Variants in HTR1E observed in about 807,000 individuals in gnomAD.
HTR1E encodes the protein 5-hydroxytryptamine receptor 1E, also known as 5-HT-1E.
HTR1E carries 3 observed loss-of-function variants against 3.4 expected under a neutral mutation model. The observed-to-expected ratio is 0.89, with a 90% CI of 0.41 to 2.31. The LOEUF (loss-of-function observed/expected upper bound fraction) is 2.31. Among genes scored for constraint, HTR1E ranks in the 30% most tolerant of loss-of-function variants. The pLI is 0.05. For missense variants in HTR1E, 392 were observed against 467.0 expected (o/e 0.84, Z 1.48); for synonymous variants, 170 against 182.8 (o/e 0.93, Z 0.56).
rs1473568017 is a variant in HTR1E, at chr6:87,010,341, C to T, written c.-185-4809C>T. ...TGACCCCCCCCACCTCCCTCCCGGA[C>T]GGGGCGGCTGGCCGGGCGGGGGGCT... On this transcript the variant is annotated intron_variant, in intron 1 of 1. Transcript: ENST00000305344. Among the ~76,000 whole-genome samples the T allele has an allele frequency of 4.2e-4, 45 of 107,874 alleles. 1 individual carries two copies. The highest frequency in any genetic ancestry group is 0.01 in the Middle Eastern group (1 of 96). 70.8% of individuals were successfully genotyped at this position (107,874 alleles called of 152,430 possible).
In HTR1E at chr6:87,016,218, T is replaced by A. The variant is rs1433362782; in HGVS notation, c.884T>A (p.Leu295Gln). The change falls in exon 2 of 2, where the codon CTG becomes CAG. Residue 295 changes from leucine (L) to glutamine (Q), a missense_variant. Physicochemically the swap from Leu to Gln is moderately radical, Grantham distance 113. Transcript: ENST00000305344. Reference sequence around the variant, plus strand: ...CGGAAGGCAGCACGCATCCTGGGGCTGATTCTGGGTGCATTCATTTTATCC... The same window carrying A: ...CGGAAGGCAGCACGCATCCTGGGGCAGATTCTGGGTGCATTCATTTTATCC... ...RERKAARILG[L>Q]ILGAFILSWL... The A allele has an allele frequency of 6.2e-7, 1 of 1,614,014 alleles. No homozygotes were observed. Among genetic ancestry groups the A allele is most frequent in the East Asian group, 2.2e-5 (1 of 44,886 alleles).
intron 1 of HTR1E, among the ~76,000 whole-genome samples, chr6:86,957,307 T>G (rs557171421): frequency 6.6e-6 from 1 of 152,370 alleles, no homozygotes; most frequent in Non-Finnish European, 1.5e-5. Context: ...GAGCAACATC[T>G]TTCAGATAAT....
At chr6:86,943,170 A>C (rs1768567942) in intron 1 of HTR1E, among the ~76,000 whole-genome samples, 1 of 152,208 alleles carries the variant, frequency 6.6e-6, no homozygotes, top group Non-Finnish European at 1.5e-5. Flanking sequence ...ATTTGTAGCT[A>C]TGTTTTGCCT....
chr6:86,958,844 G>A (rs1285928638), intron 1 of HTR1E, among the ~76,000 whole-genome samples: 1 of 152,018 alleles, frequency 6.6e-6, no homozygotes, highest in Admixed American at 6.6e-5. Context: ...ACTCTGAACA[G>A]GAAGTGTCTA....
chr6:86,965,037 C>A (rs1340478085), intron 1 of HTR1E, among the ~76,000 whole-genome samples: 1 of 152,178 alleles, frequency 6.6e-6, no homozygotes, highest in Non-Finnish European at 1.5e-5. Flanking sequence ...TGCCTCATTT[C>A]CCTCATCTTT....
At chr6:87,006,621 A>C (rs888402655) in intron 1 of HTR1E, among the ~76,000 whole-genome samples, 2 of 152,238 alleles carry the variant, frequency 1.3e-5, no homozygotes, top group African/African-American at 2.4e-5. Flanking sequence ...AGATACATGC[A>C]TGTGTATGTT....
chr6:86,944,676 T>A (rs76361403), intron 1 of HTR1E, among the ~76,000 whole-genome samples: 1 of 152,162 alleles, frequency 6.6e-6, no homozygotes, highest in Admixed American at 6.6e-5. Flanking sequence ...AATAACAGAC[T>A]TACCAGGATA....
intron 1 of HTR1E, among the ~76,000 whole-genome samples, chr6:86,940,284 C>A (rs1278259430): frequency 6.6e-6 from 1 of 151,936 alleles, no homozygotes; most frequent in Admixed American, 6.6e-5. Context: ...ACCTGTAATT[C>A]CAACACTTTA....
chr6:86,958,280 G>A lies in HTR1E; in HGVS notation c.-186+20457G>A, dbSNP rs867101267. Among the ~76,000 whole-genome samples the A allele has an allele frequency of 7.9e-5, 12 of 151,964 alleles. 1 individual carries two copies. Among genetic ancestry groups the A allele is most frequent in the South Asian group, 6.2e-4 (3 of 4,822 alleles). On this transcript the variant is annotated intron_variant, in intron 1 of 1. Transcript: ENST00000305344. ...TCACTGTGTTAGCCAGGATGGTCTC[G>A]ATATCCTGACCTCGTGATCTGCCCA...
chr6:87,002,522 T>C (rs138799876), intron 1 of HTR1E, among the ~76,000 whole-genome samples: 19 of 152,320 alleles, frequency 1.2e-4, no homozygotes, highest in African/African-American at 4.3e-4. Flanking sequence ...GATTGGTCCA[T>C]TTTACAGGGT....
intron 1 of HTR1E, among the ~76,000 whole-genome samples, chr6:86,992,871 A>T (rs959349597): frequency 1.3e-5 from 2 of 152,204 alleles, no homozygotes; most frequent in Admixed American, 6.5e-5. Context: ...TCAGTGGCTT[A>T]ACACAATAAA....
chr6:86,970,961 G>C (rs1767543828), intron 1 of HTR1E: 1 of 379,642 alleles, frequency 2.6e-6, no homozygotes, highest in South Asian at 2.3e-5. Context: ...CGCCTTGACA[G>C]ATAACACTTT....
chr6:86,986,873 G>A (rs190914300), intron 1 of HTR1E, among the ~76,000 whole-genome samples: 6 of 152,156 alleles, frequency 3.9e-5, no homozygotes, highest in South Asian at 2.1e-4. Flanking sequence ...GAAAGTTCAC[G>A]GGGGGTAAGA....
At chr6:86,995,523 AGGCGT>A (rs1767925127) in intron 1 of HTR1E, among the ~76,000 whole-genome samples, 1 of 151,050 alleles carries the variant, frequency 6.6e-6, no homozygotes, top group African/African-American at 2.4e-5. Context: ...AAAATTAGCC[AGGCGT>A]GGTGACAGGC....
At chr6:86,967,537 A>G (rs190117636) in intron 1 of HTR1E, among the ~76,000 whole-genome samples, 157 of 152,278 alleles carry the variant, frequency 1.0e-3, no homozygotes, top group Non-Finnish European at 1.5e-3. Context: ...ACATTCGTTA[A>G]ACACCCACAG....
chr6:86,989,034 A>G (rs932999886), intron 1 of HTR1E, among the ~76,000 whole-genome samples: 15 of 152,234 alleles, frequency 9.9e-5, no homozygotes, highest in African/African-American at 3.6e-4. Flanking sequence ...TTGGGCATTA[A>G]CAACACGTTT....
chr6:86,998,329 G>A (rs1208726275), intron 1 of HTR1E, among the ~76,000 whole-genome samples: 1 of 151,990 alleles, frequency 6.6e-6, no homozygotes, highest in Non-Finnish European at 1.5e-5. Flanking sequence ...TACAAGCTGA[G>A]CCATAAAATA....
chr6:86,995,342 G>T (rs1767922368), intron 1 of HTR1E, among the ~76,000 whole-genome samples: 2 of 142,120 alleles, frequency 1.4e-5, no homozygotes, highest in Admixed American at 7.1e-5. Flanking sequence ...ACATACGAAT[G>T]AAAGACAAAG....
At chr6:86,990,148 C>T (rs557437683) in intron 1 of HTR1E, among the ~76,000 whole-genome samples, 2 of 152,318 alleles carry the variant, frequency 1.3e-5, no homozygotes, top group East Asian at 3.9e-4. Flanking sequence ...CAGGAGGGAG[C>T]CCAGTTCTTC....
Sources: gnomAD v4.1 joint callset for allele counts (sites outside exome capture counted in the v4.1 genomes callset) on GRCh38, gnomAD v4.1.1 for gene constraint, MANE v1.5 for transcripts, NCBI Gene and HGNC (gene_info 2026-07-23, HGNC 2026-07-21) for gene names.